The following GABBR2 variants were observed in gnomAD, a reference collection of about 807,000 sequenced individuals.
The protein encoded by GABBR2 is G-protein coupled receptor 51.
In GABBR2, 23 loss-of-function variants were observed where a neutral mutation model predicts 105.6. That is an observed-to-expected ratio of 0.22 (90% CI 0.16 to 0.31). The LOEUF is 0.31. Among genes scored for constraint, GABBR2 ranks in the 10% least tolerant of loss-of-function variants. The pLI is 1.00. For missense variants in GABBR2, 734 were observed against 1,245.5 expected (o/e 0.59, Z 6.18); for synonymous variants, 478 against 499.7 (o/e 0.96, Z 0.58).
At chr9:98,557,202 C>T (rs1020801757) in intron 2 of GABBR2, among the ~76,000 whole-genome samples, 1 of 152,162 alleles carries the variant, frequency 6.6e-6, no homozygotes, top group African/African-American at 2.4e-5. Flanking sequence ...TCTCTCACCC[C>T]CTCACTCCAG....
intron 1 of GABBR2, among the ~76,000 whole-genome samples, chr9:98,581,949 A>G (rs1016011084): frequency 6.6e-6 from 1 of 152,240 alleles, no homozygotes; most frequent in Non-Finnish European, 1.5e-5. Flanking sequence ...ACACTGGGAT[A>G]TGTCAACTAA....
At chr9:98,443,423 A>G (rs1826067486) in intron 7 of GABBR2, among the ~76,000 whole-genome samples, 1 of 152,222 alleles carries the variant, frequency 6.6e-6, no homozygotes, top group Non-Finnish European at 1.5e-5. Flanking sequence ...TTTCAAATTT[A>G]TCTGACAGCA....
At chr9:98,373,381 A>G (rs1831819191) in intron 11 of GABBR2, among the ~76,000 whole-genome samples, 1 of 152,202 alleles carries the variant, frequency 6.6e-6, no homozygotes, top group African/African-American at 2.4e-5. Flanking sequence ...AGGTGAAGAA[A>G]CTGAGGCCCA....
intron 1 of GABBR2, among the ~76,000 whole-genome samples, chr9:98,642,346 C>T (rs1235938089): frequency 6.6e-6 from 1 of 152,198 alleles, no homozygotes; most frequent in East Asian, 1.9e-4. Context: ...TAACACAGAC[C>T]CCACAGCTTC....
chr9:98,511,500 A>G (rs1827643683), intron 3 of GABBR2, among the ~76,000 whole-genome samples: 1 of 144,984 alleles, frequency 6.9e-6, no homozygotes, highest in South Asian at 2.3e-4. Flanking sequence ...CAAAATTGAT[A>G]CACCGCTAGC....
intron 13 of GABBR2, among the ~76,000 whole-genome samples, chr9:98,359,070 A>C (rs1831536958): frequency 6.6e-6 from 1 of 152,214 alleles, no homozygotes. Context: ...AAATTAAATG[A>C]GTTCATATTT....
intron 13 of GABBR2, among the ~76,000 whole-genome samples, chr9:98,343,693 A>G (rs1229431774): frequency 6.6e-6 from 1 of 152,012 alleles, no homozygotes; most frequent in Non-Finnish European, 1.5e-5. Flanking sequence ...TCCCTTGTCT[A>G]CCAAAAATAC....
chr9:98,669,308 G>A (rs1830377850), intron 1 of GABBR2, among the ~76,000 whole-genome samples: 1 of 152,092 alleles, frequency 6.6e-6, no homozygotes, highest in Non-Finnish European at 1.5e-5. Flanking sequence ...CCTAAAGGTT[G>A]GTGAACTTGA....
At chr9:98,308,679 C>G (rs959416399) in intron 14 of GABBR2, among the ~76,000 whole-genome samples, 4 of 152,126 alleles carry the variant, frequency 2.6e-5, no homozygotes, top group Non-Finnish European at 5.9e-5. Context: ...CGGTCACAAG[C>G]CAAGGCATGC....
intron 8 of GABBR2, among the ~76,000 whole-genome samples, chr9:98,398,993 A>G (rs1051550214): frequency 1.1e-4 from 17 of 152,156 alleles, no homozygotes; most frequent in Non-Finnish European, 4.4e-5. Flanking sequence ...CCCAGGTCAT[A>G]TGCAATAGGC....
intron 5 of GABBR2, among the ~76,000 whole-genome samples, chr9:98,478,165 C>T (rs1394838618): frequency 1.3e-5 from 2 of 152,216 alleles, no homozygotes; most frequent in African/African-American, 2.4e-5. Flanking sequence ...GTGGCAGTTC[C>T]AATCTCAAGA....
chr9:98,488,285 G>C (rs1000802879), intron 4 of GABBR2, among the ~76,000 whole-genome samples: 1 of 152,150 alleles, frequency 6.6e-6, no homozygotes. Context: ...GCCTTACCTT[G>C]GGCTTATCCT....
intron 2 of GABBR2, among the ~76,000 whole-genome samples, chr9:98,577,055 GAT>G (rs1828923003): frequency 6.6e-6 from 1 of 151,672 alleles, no homozygotes; most frequent in African/African-American, 2.4e-5. Flanking sequence ...TGGATGGATG[GAT>G]GGACAGATGG....
chr9:98,386,421 T>C (rs1397100480), intron 10 of GABBR2, among the ~76,000 whole-genome samples: 1 of 152,164 alleles, frequency 6.6e-6, no homozygotes, highest in Non-Finnish European at 1.5e-5. Flanking sequence ...CAGCCACACA[T>C]GTGGGCAGGA....
At chr9:98,352,606 G>A (rs1458811913) in intron 13 of GABBR2, among the ~76,000 whole-genome samples, 2 of 152,142 alleles carry the variant, frequency 1.3e-5, no homozygotes, top group Admixed American at 6.5e-5. Context: ...GTTATGGTGA[G>A]TGGGACAGAC....
chr9:98,665,276 ATCTCTCTCTC>A (rs55873825), intron 1 of GABBR2, among the ~76,000 whole-genome samples: 3 of 149,438 alleles, frequency 2.0e-5, no homozygotes, highest in African/African-American at 7.4e-5. Context: ...CTCTCTCTCA[ATCTCTCTCTC>A]TCTCTCTCTC....
At chr9:98,545,855 C>T (rs1345593719) in intron 2 of GABBR2, among the ~76,000 whole-genome samples, 1 of 152,162 alleles carries the variant, frequency 6.6e-6, no homozygotes, top group East Asian at 1.9e-4. Context: ...CTTCCCCTAG[C>T]ACAGTCACCC....
At chr9:98,449,981 G>C (rs938531311) in intron 7 of GABBR2, among the ~76,000 whole-genome samples, 2 of 152,138 alleles carry the variant, frequency 1.3e-5, no homozygotes, top group Non-Finnish European at 2.9e-5. Context: ...TTGAGTTAAG[G>C]TGGATTCCCA....
At chr9:98,360,885 A>T (rs1163627050) in intron 13 of GABBR2, among the ~76,000 whole-genome samples, 1 of 152,148 alleles carries the variant, frequency 6.6e-6, no homozygotes, top group Non-Finnish European at 1.5e-5. Flanking sequence ...TCTAGAATAG[A>T]GGCGGCAGCC....
Sources: gnomAD v4.1 joint callset for allele counts (sites outside exome capture counted in the v4.1 genomes callset) on GRCh38, gnomAD v4.1.1 for gene constraint, MANE v1.5 for transcripts, NCBI Gene and HGNC (gene_info 2026-07-23, HGNC 2026-07-21) for gene names.